SGPP2: variants seen among roughly 807,000 people sequenced by gnomAD.
SGPP2 encodes sphingosine-1-phosphate phosphatase 2, also known as sphingosine 1-phosphate phosphohydrolase 2.
A neutral mutation model predicts 33.9 loss-of-function variants in SGPP2; 30 were observed. The observed-to-expected ratio is 0.89, with a 90% CI of 0.66 to 1.20. The LOEUF (loss-of-function observed/expected upper bound fraction) is 1.20, where lower values mean the gene tolerates loss of function less well. SGPP2 is among the 50% of genes most tolerant of loss of function. SGPP2 has a pLI of 0.00. For missense variants in SGPP2, 458 were observed against 532.1 expected, an observed-to-expected ratio of 0.86 and a Z score of 1.37; for synonymous variants, 233 against 225.0, an observed-to-expected ratio of 1.04 and a Z score of -0.32.
At chr2:222,511,770 G>A (rs540284041) in intron 2 of SGPP2, among the ~76,000 whole-genome samples, 78 of 152,014 alleles carry the variant, frequency 5.1e-4, no homozygotes, top group Middle Eastern at 3.4e-3. Context: ...CTTGACCTCC[G>A]AGGCTCAGGT....
chr2:222,451,663 A>G (rs189669848), intron 1 of SGPP2, among the ~76,000 whole-genome samples: 10 of 152,370 alleles, frequency 6.6e-5, no homozygotes, highest in Admixed American at 5.2e-4. Context: ...GCCTCGGTTT[A>G]TAGATTGATG....
chr2:222,494,586 G>A (rs1252822787), intron 2 of SGPP2, among the ~76,000 whole-genome samples: 8 of 152,230 alleles, frequency 5.3e-5, no homozygotes, highest in East Asian at 1.9e-4. Flanking sequence ...TGCCGAGGGC[G>A]CCAGCTTGGC....
chr2:222,497,461 G>A (rs1424900717), intron 2 of SGPP2, among the ~76,000 whole-genome samples: 2 of 151,996 alleles, frequency 1.3e-5, no homozygotes, highest in Non-Finnish European at 2.9e-5. Flanking sequence ...TGGCCAGGCT[G>A]GTCCCAAACT....
At chr2:222,454,177 A>T (rs1452951435) in intron 1 of SGPP2, among the ~76,000 whole-genome samples, 1 of 152,158 alleles carries the variant, frequency 6.6e-6, no homozygotes, top group Non-Finnish European at 1.5e-5. Context: ...GCCAATACAA[A>T]CAGAAAATTT....
Position 222,534,405 on chromosome 2 carries a change from G to C in SGPP2, c.648+9372G>C, listed in dbSNP as rs543259349. Among the ~76,000 whole-genome samples the C allele has an allele frequency of 1.4e-4, 21 of 152,252 alleles. No individual in the cohort carries two copies. In the South Asian group the frequency reaches 3.5e-3, roughly 26 times the overall value. On this transcript the variant is annotated intron_variant, in intron 4 of 4. Transcript: ENST00000321276. The stretch of plus-strand genomic sequence containing the variant: ...TTATTTTATTGTCCCTAAATTGTTT[G>C]ATCTCTGGATAATTACACAGATACT...
intron 2 of SGPP2, among the ~76,000 whole-genome samples, chr2:222,488,897 G>A (rs1698154877): frequency 6.6e-6 from 1 of 151,770 alleles, no homozygotes; most frequent in Non-Finnish European, 1.5e-5. Context: ...ACTGAAATCA[G>A]AGGGGCAAAA....
chr2:222,556,292 AAAG>A (rs1436344606), intron 4 of SGPP2, among the ~76,000 whole-genome samples: 1 of 152,078 alleles, frequency 6.6e-6, no homozygotes, highest in Non-Finnish European at 1.5e-5. Context: ...ACACCCAAGA[AAAG>A]AAACCACAGG....
intron 4 of SGPP2, among the ~76,000 whole-genome samples, chr2:222,538,676 TG>T (rs1698949821): frequency 6.6e-6 from 1 of 152,158 alleles, no homozygotes; most frequent in South Asian, 2.1e-4. Context: ...CTTCTGCTTC[TG>T]GGGAGGCCTC....
At chr2:222,444,585 G>A (rs1697372346) in intron 1 of SGPP2, among the ~76,000 whole-genome samples, 1 of 152,188 alleles carries the variant, frequency 6.6e-6, no homozygotes, top group South Asian at 2.1e-4. Context: ...AGGTAAACAG[G>A]TGAGCAGGAC....
intron 2 of SGPP2, among the ~76,000 whole-genome samples, chr2:222,488,658 T>A (rs1390165714): frequency 6.6e-6 from 1 of 152,132 alleles, no homozygotes; most frequent in East Asian, 1.9e-4. Context: ...GGGTATGGAA[T>A]TCCATGTGAG....
chr2:222,535,482 C>T (rs999296127), intron 4 of SGPP2, among the ~76,000 whole-genome samples: 4 of 152,002 alleles, frequency 2.6e-5, no homozygotes, highest in South Asian at 2.1e-4. Context: ...GGGAGCTGGA[C>T]GAGCCTTGAG....
At chr2:222,487,769 C>G (rs1698134423) in intron 2 of SGPP2, among the ~76,000 whole-genome samples, 1 of 152,144 alleles carries the variant, frequency 6.6e-6, no homozygotes, top group Non-Finnish European at 1.5e-5. Flanking sequence ...AACCACGCAG[C>G]CCAGTGGTGG....
Position 222,476,343 on chromosome 2 carries a change from C to A in SGPP2, c.378+1617C>A, listed in dbSNP as rs1043684330. 2.6e-5 allele frequency among the ~76,000 whole-genome samples: 4 copies of A among 152,094 alleles called. No individual in the cohort carries two copies. The highest frequency in any genetic ancestry group is 5.9e-5 in the Non-Finnish European group (4 of 68,010). Reference sequence around the variant, plus strand: ...CAAGGGCGGGGTATCCACACAAATTCTTCACCAGGTGGTGACAGAGGGACT... The same window carrying A: ...CAAGGGCGGGGTATCCACACAAATTATTCACCAGGTGGTGACAGAGGGACT... On this transcript the variant is annotated intron_variant, in intron 2 of 4. Transcript: ENST00000321276. The surrounding 1 kb of genome is among the most constrained non-coding windows in gnomAD (Gnocchi z 4.3).
chr2:222,487,669 AG>A (rs1183346655), intron 2 of SGPP2, among the ~76,000 whole-genome samples: 1 of 152,130 alleles, frequency 6.6e-6, no homozygotes, highest in Non-Finnish European at 1.5e-5. Flanking sequence ...GGGTTTTATT[AG>A]GGGCTTTCAC....
intron 1 of SGPP2, among the ~76,000 whole-genome samples, chr2:222,435,234 C>T (rs1473272671): frequency 6.6e-6 from 1 of 152,036 alleles, no homozygotes; most frequent in East Asian, 1.9e-4. Context: ...AAGCATCTGG[C>T]ATGGGAGAAG....
At chr2:222,443,135 T>C (rs1306414144) in intron 1 of SGPP2, among the ~76,000 whole-genome samples, 1 of 152,222 alleles carries the variant, frequency 6.6e-6, no homozygotes, top group African/African-American at 2.4e-5. Flanking sequence ...TCTGGTGAAG[T>C]AGAAGTGCTG....
At chr2:222,480,161 G>A (rs772814059) in intron 2 of SGPP2, among the ~76,000 whole-genome samples, 1 of 152,166 alleles carries the variant, frequency 6.6e-6, no homozygotes, top group Non-Finnish European at 1.5e-5. Flanking sequence ...AAGCTTTAAA[G>A]TTATATTTCT....
At chr2:222,442,884 C>T (rs1191767318) in intron 1 of SGPP2, among the ~76,000 whole-genome samples, 2 of 152,096 alleles carry the variant, frequency 1.3e-5, no homozygotes, top group African/African-American at 2.4e-5. Context: ...AGATTCAGAC[C>T]GCAAGCTCAG....
At chr2:222,496,047 T>C (rs897698125) in intron 2 of SGPP2, among the ~76,000 whole-genome samples, 8 of 152,220 alleles carry the variant, frequency 5.3e-5, no homozygotes, top group Admixed American at 5.2e-4. Flanking sequence ...TGCAGACCTC[T>C]TGGTCTCCGT....
Sources: allele counts gnomAD v4.1 joint callset (sites outside exome capture counted in the v4.1 genomes callset), GRCh38; gene constraint gnomAD v4.1.1; non-coding constraint Gnocchi (gnomAD v3.1); transcripts MANE v1.5; gene names NCBI Gene and HGNC (gene_info 2026-07-23, HGNC 2026-07-21).